DISP1: variants seen among roughly 807,000 people sequenced by gnomAD.
DISP1 encodes the protein dispatched RND transporter family member 1, also known as protein dispatched homolog 1.
A neutral mutation model predicts 37.3 loss-of-function variants in DISP1; 30 were observed. The observed-to-expected ratio is 0.80, with a 90% confidence interval of 0.60 to 1.09. DISP1 has a LOEUF of 1.09. DISP1 is among the 50% of genes least tolerant of loss of function. The probability of loss-of-function intolerance (pLI) is 0.00; values close to 1 mark genes in which losing one functional copy is unlikely to be tolerated. For missense variants in DISP1, 1,598 were observed against 1,879.5 expected, an observed-to-expected ratio of 0.85 and a Z score of 2.77; for synonymous variants, 634 against 690.2, an observed-to-expected ratio of 0.92 and a Z score of 1.28.
chr1:222,965,590 A>G (rs1274898961), intron 3 of DISP1, among the ~76,000 whole-genome samples: 3 of 151,864 alleles, frequency 2.0e-5, no homozygotes, highest in Admixed American at 2.0e-4. Context: ...GCATTCCATG[A>G]TCTTATGCTT....
intron 1 of DISP1, among the ~76,000 whole-genome samples, chr1:222,883,890 A>C (rs1670423613): frequency 1.3e-5 from 2 of 152,240 alleles, no homozygotes; most frequent in African/African-American, 4.8e-5. Context: ...AATAGAAGGC[A>C]TTCCATTTAT....
At chr1:222,828,974 G>T (rs1172221765) in intron 1 of DISP1, among the ~76,000 whole-genome samples, 1 of 152,170 alleles carries the variant, frequency 6.6e-6, no homozygotes, top group Non-Finnish European at 1.5e-5. Flanking sequence ...TGGGGGATGG[G>T]TAGAGGATGT....
At chr1:222,819,506 T>TTATA (rs1259407179) in intron 1 of DISP1, among the ~76,000 whole-genome samples, 7 of 144,246 alleles carry the variant, frequency 4.9e-5, no homozygotes, top group Non-Finnish European at 1.1e-4. Flanking sequence ...TTTTAATATG[T>TTATA]TATATACATA....
rs1284008829 is a variant in DISP1 at position 223,002,679 on chromosome 1, C to T, written c.1282C>T (p.Leu428Phe). 1 of 1,614,170 alleles carries T rather than the reference C, an allele frequency of 6.2e-7. No individual in the cohort carries two copies. The highest frequency in any genetic ancestry group is 2.2e-5 in the East Asian group (1 of 44,878). The change falls in exon 9 of 9, where the codon CTC becomes TTC. Residue 428 changes from leucine to phenylalanine, a missense_variant. By Grantham distance (22) the Leu-to-Phe change is conservative. Coordinates refer to ENST00000675850, the MANE Select transcript of DISP1 (RefSeq NM_001377229.1). ...CTKYNAVYQI[L>F]HYLVDKDFMT... ...CAAGTACAATGCTGTGTACCAGATCCTCCATTACTTGGTGGACAAAGACTT... is the reference window on the plus strand; with the variant it reads ...CAAGTACAATGCTGTGTACCAGATCTTCCATTACTTGGTGGACAAAGACTT...
chr1:222,847,841 G>A (rs1041015553), intron 1 of DISP1, among the ~76,000 whole-genome samples: 1 of 152,100 alleles, frequency 6.6e-6, no homozygotes, highest in Non-Finnish European at 1.5e-5. Flanking sequence ...AAGAAAGGAA[G>A]GAGCCATGTA....
intron 8 of DISP1, 77 bp from the exon 9 acceptor site, chr1:223,002,308 A>T: frequency 1.5e-6 from 2 of 1,295,494 alleles, no homozygotes; most frequent in Non-Finnish European, 2.2e-6. Flanking sequence ...AGATCACCTT[A>T]GTGCAGTCCT....
intron 1 of DISP1, among the ~76,000 whole-genome samples, chr1:222,886,346 G>C (rs1670602184): frequency 6.6e-6 from 1 of 152,230 alleles, no homozygotes; most frequent in African/African-American, 2.4e-5. Context: ...GTTTGCACTA[G>C]TTTCATATGC....
chr1:222,992,145 A>G (rs1338013759), intron 7 of DISP1, 35 bp downstream of exon 7: 1 of 1,496,080 alleles, frequency 6.7e-7, no homozygotes, highest in Non-Finnish European at 9.3e-7. Context: ...ACCACTCAGC[A>G]GTTTGCTCGC....
Position 222,991,651 on chromosome 1 carries a change from A to G in DISP1, c.791+4A>G, listed in dbSNP as rs1322437862. On this transcript the variant is annotated splice_donor_region_variant and intron_variant, in intron 6 of 8. Transcript: ENST00000675850. ...ATGCAGATGAACAAGCCAAAAGGTA[A>G]TCAATTATTTATTTTTATATAACTT... 1.9e-6 allele frequency: 3 copies of G among 1,611,756 alleles called. No individual in the cohort carries two copies. The highest frequency in any genetic ancestry group is 3.3e-5 in the Admixed American group (2 of 59,990).
chr1:222,939,305 A>G (rs79692577), intron 2 of DISP1, among the ~76,000 whole-genome samples: 88 of 151,864 alleles, frequency 5.8e-4, no homozygotes, highest in African/African-American at 2.0e-3. Flanking sequence ...TACATTTGTA[A>G]TAAATTTAAA....
intron 2 of DISP1, among the ~76,000 whole-genome samples, chr1:222,939,987 G>C (rs375960995): frequency 6.6e-6 from 1 of 151,990 alleles, no homozygotes; most frequent in Non-Finnish European, 1.5e-5. Flanking sequence ...TTAGCCAGGC[G>C]TGGTGGTGGG....
chr1:222,978,183 G>T (rs1677540447), intron 3 of DISP1, among the ~76,000 whole-genome samples: 1 of 152,162 alleles, frequency 6.6e-6, no homozygotes, highest in Non-Finnish European at 1.5e-5. Context: ...TCCAGCACGT[G>T]TTGTTTCCTG....
chr1:222,881,309 C>T (rs1670260601), intron 1 of DISP1, among the ~76,000 whole-genome samples: 1 of 152,174 alleles, frequency 6.6e-6, no homozygotes, highest in Non-Finnish European at 1.5e-5. Context: ...GATTCTTCTG[C>T]CTCAGCCTCC....
intron 1 of DISP1, among the ~76,000 whole-genome samples, chr1:222,890,418 T>C (rs1267478089): frequency 6.6e-6 from 1 of 152,182 alleles, no homozygotes; most frequent in African/African-American, 2.4e-5. Context: ...GTACCTGAGC[T>C]GATCTACTTT....
In DISP1 at chr1:222,830,251, T is replaced by TG. The variant is rs762089001; in HGVS notation, c.-159+15180dup. Among the ~76,000 whole-genome samples the TG allele has an allele frequency of 1.8e-4, 27 of 152,128 alleles. No individual in the cohort carries two copies. In the East Asian group the frequency reaches 2.9e-3, roughly 16 times the overall value. On this transcript the variant is annotated intron_variant, in intron 1 of 8. Coordinates refer to ENST00000675850, the MANE Select transcript of DISP1 (RefSeq NM_001377229.1). ...TCTTTGAAAGTAGATTTTATTTTTT[T>TG]GGGGGGGTCATTTCAATGAAAAGAA... is the stretch of plus-strand genomic sequence containing the variant.
chr1:222,933,559 A>T (rs1673531394), intron 2 of DISP1, among the ~76,000 whole-genome samples: 1 of 151,984 alleles, frequency 6.6e-6, no homozygotes, highest in South Asian at 2.1e-4. Context: ...TGAAATATTT[A>T]GTGGTATAGA....
At chr1:222,957,682 G>A (rs993245333) in intron 3 of DISP1, among the ~76,000 whole-genome samples, 15 of 152,088 alleles carry the variant, frequency 9.9e-5, no homozygotes, top group African/African-American at 3.1e-4. Flanking sequence ...ACTAGTGATC[G>A]GCTAGGCCTT....
chr1:222,824,844 G>A (rs1296035292), intron 1 of DISP1, among the ~76,000 whole-genome samples: 1 of 152,056 alleles, frequency 6.6e-6, no homozygotes, highest in Non-Finnish European at 1.5e-5. Flanking sequence ...TCCAAGCTTT[G>A]ATTAAAATCA....
At chr1:222,886,765 G>A (rs1670623627) in intron 1 of DISP1, among the ~76,000 whole-genome samples, 1 of 152,204 alleles carries the variant, frequency 6.6e-6, no homozygotes, top group Non-Finnish European at 1.5e-5. Context: ...GACCTAGGAA[G>A]CCTAGAAACA....
Sources: allele counts gnomAD v4.1 joint callset (sites outside exome capture counted in the v4.1 genomes callset), GRCh38; gene constraint gnomAD v4.1.1; transcripts MANE v1.5; gene names NCBI Gene and HGNC (gene_info 2026-07-23, HGNC 2026-07-21).